Variants in PRKCA observed in about 807,000 individuals in gnomAD.
The protein encoded by PRKCA is protein kinase C alpha type.
In PRKCA, 27 loss-of-function variants were observed where a neutral mutation model predicts 87.0. That is an observed-to-expected ratio of 0.31 (90% CI 0.23 to 0.43). The LOEUF (loss-of-function observed/expected upper bound fraction) is 0.43. PRKCA is among the 20% of genes least tolerant of loss of function. The probability of loss-of-function intolerance (pLI) is 1.00; values close to 1 mark genes in which losing one functional copy is unlikely to be tolerated. For missense variants in PRKCA, 518 were observed against 852.3 expected (o/e 0.61, Z 4.88); for synonymous variants, 329 against 311.1 (o/e 1.06, Z -0.61).
At chr17:66,423,887 G>A (rs768932047) in intron 2 of PRKCA, among the ~76,000 whole-genome samples, 1 of 152,016 alleles carries the variant, frequency 6.6e-6, no homozygotes, top group Non-Finnish European at 1.5e-5. Flanking sequence ...CCATTCCACC[G>A]TGAATCCTTT....
chr17:66,482,487 A>T (rs1379697361), intron 2 of PRKCA, among the ~76,000 whole-genome samples: 1 of 152,150 alleles, frequency 6.6e-6, no homozygotes, highest in Non-Finnish European at 1.5e-5. Flanking sequence ...CTACCTTTTA[A>T]ATTAGGAATG....
chr17:66,606,386 G>A lies in PRKCA; in HGVS notation c.289-34969G>A, dbSNP rs748618997. On this transcript the variant is annotated intron_variant, in intron 3 of 16. Transcript: ENST00000413366. ...CAGTCTGGTAACAGAGTGAGACTCC[G>A]TCTCAAAAAAAATAATAAAATGAAG... Among the ~76,000 whole-genome samples, 10 of 151,960 alleles carry A rather than the reference G, an allele frequency of 6.6e-5. No individual in the cohort carries two copies. In the East Asian group the frequency reaches 7.7e-4, roughly 12 times the overall value.
At chr17:66,548,310 T>C (rs1218742013) in intron 3 of PRKCA, among the ~76,000 whole-genome samples, 1 of 152,144 alleles carries the variant, frequency 6.6e-6, no homozygotes, top group African/African-American at 2.4e-5. Context: ...CGCCCCTCCT[T>C]GACACTTCCT....
chr17:66,756,317 T>C (rs9893695), intron 13 of PRKCA, among the ~76,000 whole-genome samples: 55,382 of 151,800 alleles, frequency 0.36, 10,409 homozygotes, highest in East Asian at 0.61. Flanking sequence ...CCGATTCCAA[T>C]CCCTTCCACC....
intron 3 of PRKCA, among the ~76,000 whole-genome samples, chr17:66,593,854 C>T (rs1258463743): frequency 2.0e-5 from 3 of 152,130 alleles, no homozygotes; most frequent in Non-Finnish European, 4.4e-5. Context: ...GAGGCCGAGG[C>T]AGATGGATCA....
At chr17:66,784,509 A>G (rs1975329796) in intron 14 of PRKCA, among the ~76,000 whole-genome samples, 1 of 152,172 alleles carries the variant, frequency 6.6e-6, no homozygotes, top group African/African-American at 2.4e-5. Context: ...GGCCTCCCAA[A>G]GTGCTGGGAT....
chr17:66,352,343 G>T (rs1172773268), intron 2 of PRKCA, among the ~76,000 whole-genome samples: 2 of 151,948 alleles, frequency 1.3e-5, no homozygotes, highest in East Asian at 3.9e-4. Context: ...ATCATGAAAT[G>T]TACTATCTGA....
intron 13 of PRKCA, among the ~76,000 whole-genome samples, chr17:66,758,407 C>T (rs1013150764): frequency 2.0e-5 from 3 of 152,186 alleles, no homozygotes; most frequent in African/African-American, 7.2e-5. Flanking sequence ...GTGAGCACTT[C>T]ATCCTGAAGC....
chr17:66,553,875 A>G (rs1057170226), intron 3 of PRKCA, among the ~76,000 whole-genome samples: 2 of 152,174 alleles, frequency 1.3e-5, no homozygotes, highest in Non-Finnish European at 2.9e-5. Flanking sequence ...CAGGAGATGA[A>G]GTGTGTGGCC....
chr17:66,617,972 G>A (rs967854529), intron 3 of PRKCA, among the ~76,000 whole-genome samples: 1 of 152,158 alleles, frequency 6.6e-6, no homozygotes, highest in Non-Finnish European at 1.5e-5. Context: ...GTGGTGCCCT[G>A]TTGATTTTTA....
At chr17:66,319,808 C>A (rs1479927788) in intron 2 of PRKCA, among the ~76,000 whole-genome samples, 1 of 151,666 alleles carries the variant, frequency 6.6e-6, no homozygotes, top group East Asian at 1.9e-4. Context: ...GTGGTGTGAT[C>A]TTGGCTCACT....
intron 3 of PRKCA, among the ~76,000 whole-genome samples, chr17:66,631,043 G>T (rs998735357): frequency 6.6e-6 from 1 of 152,090 alleles, no homozygotes; most frequent in Non-Finnish European, 1.5e-5. Context: ...AGATATATGA[G>T]CCGTTGAGTA....
intron 3 of PRKCA, among the ~76,000 whole-genome samples, chr17:66,549,468 A>G (rs2143203336): frequency 1.3e-5 from 2 of 152,238 alleles, no homozygotes; most frequent in South Asian, 2.1e-4. Context: ...CTCTCTAAAG[A>G]GATTGAAGTC....
At chr17:66,641,609 T>A in intron 4 of PRKCA, 143 bp downstream of exon 4, 1 of 475,258 alleles carries the variant, frequency 2.1e-6, no homozygotes, top group South Asian at 5.5e-5. Flanking sequence ...ACTGACAAAG[T>A]GTAGATTCTT....
intron 2 of PRKCA, among the ~76,000 whole-genome samples, chr17:66,367,984 A>C (rs1457300666): frequency 6.6e-6 from 1 of 152,172 alleles, no homozygotes; most frequent in East Asian, 1.9e-4. Flanking sequence ...TCCTCTTCAT[A>C]GGGAGTAACA....
At chr17:66,436,606 A>C (rs563746474) in intron 2 of PRKCA, among the ~76,000 whole-genome samples, 26 of 152,352 alleles carry the variant, frequency 1.7e-4, no homozygotes, top group Middle Eastern at 3.4e-3. Flanking sequence ...TTTGGGAATC[A>C]GTCGCAGAGA....
intron 16 of PRKCA, among the ~76,000 whole-genome samples, chr17:66,797,172 C>T (rs1197607575): frequency 1.3e-5 from 2 of 152,188 alleles, no homozygotes; most frequent in Non-Finnish European, 2.9e-5. Context: ...ACGAAGCCAA[C>T]TCCTGCATTG....
intron 2 of PRKCA, among the ~76,000 whole-genome samples, chr17:66,327,461 G>T (rs370578141): frequency 1.3e-5 from 2 of 151,782 alleles, no homozygotes; most frequent in African/African-American, 4.8e-5. Context: ...ACTGGAACCC[G>T]GGAGGTGGAG....
At chr17:66,718,878 A>G (rs960356697) in intron 8 of PRKCA, among the ~76,000 whole-genome samples, 1 of 152,262 alleles carries the variant, frequency 6.6e-6, no homozygotes, top group African/African-American at 2.4e-5. Context: ...AGAAAGAAGT[A>G]CAGTTAAAAA....
Sources: gnomAD v4.1 joint callset for allele counts (sites outside exome capture counted in the v4.1 genomes callset) on GRCh38, gnomAD v4.1.1 for gene constraint, MANE v1.5 for transcripts, NCBI Gene and HGNC (gene_info 2026-07-23, HGNC 2026-07-21) for gene names.